The following HIVEP3 variants were observed in gnomAD, a reference collection of about 807,000 sequenced individuals.
HIVEP3 encodes HIVEP zinc finger 3, also known as transcription factor HIVEP3.
HIVEP3 carries 49 observed loss-of-function variants against 152.8 expected under a neutral mutation model. That is an observed-to-expected ratio of 0.32 (90% CI 0.26 to 0.41). HIVEP3 has a LOEUF of 0.41. Among genes scored for constraint, HIVEP3 ranks in the 10% least tolerant of loss-of-function variants. HIVEP3 has a pLI of 1.00. For missense variants in HIVEP3, 2,790 were observed against 3,103.3 expected (o/e 0.90, Z 2.40); for synonymous variants, 1,269 against 1,289.0 (o/e 0.98, Z 0.33).
At chr1:41,632,759 GA>G (rs111735790) in intron 2 of HIVEP3, among the ~76,000 whole-genome samples, 1,637 of 145,404 alleles carry the variant, frequency 0.011, 28 homozygotes, top group African/African-American at 0.038. Context: ...CCAACTCAAA[GA>G]AAAAAAAAAG....
chr1:41,636,174 A>T (rs10890152), intron 2 of HIVEP3, among the ~76,000 whole-genome samples: 70,912 of 151,600 alleles, frequency 0.47, 17,226 homozygotes, highest in Non-Finnish European at 0.54. Context: ...GTAACAAACA[A>T]ATCCGCAGGT....
chr1:41,902,606 A>T (rs908080431), intron 1 of HIVEP3, among the ~76,000 whole-genome samples: 3 of 152,174 alleles, frequency 2.0e-5, no homozygotes, highest in Non-Finnish European at 4.4e-5. Context: ...GAAGAAGGCG[A>T]TGGGGCAAAG....
chr1:41,777,009 GC>G (rs2124274933), intron 1 of HIVEP3, among the ~76,000 whole-genome samples: 1 of 152,276 alleles, frequency 6.6e-6, no homozygotes, highest in South Asian at 2.1e-4. Context: ...CTGGACTTCA[GC>G]CCAGGACTTG....
At chr1:41,896,244 C>T (rs956544568) in intron 1 of HIVEP3, among the ~76,000 whole-genome samples, 8 of 152,214 alleles carry the variant, frequency 5.3e-5, no homozygotes, top group Non-Finnish European at 1.5e-5. Flanking sequence ...ACTCTCAATA[C>T]ATAGTAGCTT....
chr1:41,895,908 C>T (rs1644520587), intron 1 of HIVEP3, among the ~76,000 whole-genome samples: 1 of 152,174 alleles, frequency 6.6e-6, no homozygotes, highest in African/African-American at 2.4e-5. Flanking sequence ...TGAGAAAGGC[C>T]ATTCATTGGT....
intron 2 of HIVEP3, among the ~76,000 whole-genome samples, chr1:41,674,068 C>T (rs538631056): frequency 8.5e-5 from 13 of 152,358 alleles, no homozygotes; most frequent in African/African-American, 2.9e-4. Context: ...TGGCTGGGGC[C>T]GACCTCCCCA....
At chr1:41,807,844 C>T (rs1650726478) in intron 1 of HIVEP3, among the ~76,000 whole-genome samples, 1 of 152,020 alleles carries the variant, frequency 6.6e-6, no homozygotes, top group Admixed American at 6.5e-5. Flanking sequence ...GTCAAGGGGA[C>T]AAAGATCAGG....
intron 1 of HIVEP3, among the ~76,000 whole-genome samples, chr1:41,811,817 G>A (rs1375588968): frequency 6.6e-6 from 1 of 152,048 alleles, no homozygotes; most frequent in African/African-American, 2.4e-5. Context: ...GAAAATCGCA[G>A]TTGCTGTAGT....
chr1:41,544,416 A>AT (rs2149071686), intron 5 of HIVEP3: 1 of 152,002 alleles, frequency 6.6e-6, no homozygotes, highest in African/African-American at 2.4e-5. Flanking sequence ...AAGGGCACCA[A>AT]TCCCCCCTCT....
intron 1 of HIVEP3, among the ~76,000 whole-genome samples, chr1:41,766,266 T>C (rs1648003013): frequency 6.6e-6 from 1 of 152,236 alleles, no homozygotes; most frequent in African/African-American, 2.4e-5. Flanking sequence ...GGAAACATTT[T>C]TGGTTTTCAC....
At chr1:41,987,775 C>A (rs921524163) in intron 1 of HIVEP3, among the ~76,000 whole-genome samples, 7 of 152,186 alleles carry the variant, frequency 4.6e-5, no homozygotes, top group African/African-American at 1.7e-4. Context: ...AAGAAAGAGG[C>A]TTAATTGACT....
intron 1 of HIVEP3, among the ~76,000 whole-genome samples, chr1:41,805,471 G>C (rs1021423425): frequency 6.6e-6 from 1 of 152,254 alleles, no homozygotes; most frequent in African/African-American, 2.4e-5. Flanking sequence ...GAATGAGGAA[G>C]GCAGGACAAC....
Position 41,510,357 on chromosome 1 carries a change from A to G in HIVEP3, c.*94T>C. On this transcript the variant is annotated 3_prime_UTR_variant, in exon 9 of 9. Transcript: ENST00000372583. The stretch of plus-strand genomic sequence containing the variant: ...TGAGAGCTCCTGGACGGAGGGACAG[A>G]TGGGGCTGAGGAAGTGGGATGATTC... 1 of 1,134,408 alleles carries G rather than the reference A, an allele frequency of 8.8e-7. No individual in the cohort carries two copies. The highest frequency in any genetic ancestry group is 1.2e-6 in the Non-Finnish European group (1 of 850,464). The allele number at this position is 1,134,408 out of a possible 1,614,324, so 70.3% of individuals were successfully genotyped here.
At chr1:41,645,204 C>T (rs907050983) in intron 2 of HIVEP3, among the ~76,000 whole-genome samples, 1 of 152,226 alleles carries the variant, frequency 6.6e-6, no homozygotes, top group African/African-American at 2.4e-5. Context: ...CTGCACAAGA[C>T]AGGGCAATGC....
At position 41,583,064 on chromosome 1, in the gene HIVEP3, G is replaced by C; in HGVS notation, c.1734C>G (p.His578Gln). 1.9e-6 allele frequency: 3 copies of C among 1,613,892 alleles called. No homozygotes were observed. The highest frequency in any genetic ancestry group is 2.5e-6 in the Non-Finnish European group (3 of 1,179,896). Residue 578 changes from histidine (H) to glutamine (Q), a missense_variant, in exon 4 of 9, where the codon CAC becomes CAG. His to Gln is a conservative substitution (Grantham distance 24, BLOSUM62 0). This residue lies in a region of HIVEP3 where 339 missense variants were observed against 327.0 expected (regional missense o/e 1.04). Coordinates refer to ENST00000372583, the MANE Select transcript of HIVEP3 (RefSeq NM_024503.5). The surrounding 1 kb of genome is among the most constrained non-coding windows in gnomAD (Gnocchi z 6.9). The stretch of plus-strand genomic sequence containing the variant: ...GCATCCGGGGGTGGGAGGTAAACAC[G>C]TGACTGCTGTGGCTCAGGGCTTCGG... ...TDSEALSHSS[H>Q]VFTSHPRMLK...
At chr1:41,734,566 T>C (rs1646888691) in intron 1 of HIVEP3, among the ~76,000 whole-genome samples, 3 of 152,086 alleles carry the variant, frequency 2.0e-5, no homozygotes, top group Non-Finnish European at 4.4e-5. Context: ...CACTGGGTGA[T>C]TTAGAAAGGC....
intron 1 of HIVEP3, among the ~76,000 whole-genome samples, chr1:41,953,421 T>C (rs1645121463): frequency 6.6e-6 from 1 of 152,200 alleles, no homozygotes; most frequent in Non-Finnish European, 1.5e-5. Flanking sequence ...TCAGAGTGTT[T>C]CTATGAGGAT....
chr1:41,733,967 A>G (rs1646879731), intron 1 of HIVEP3, among the ~76,000 whole-genome samples: 1 of 149,410 alleles, frequency 6.7e-6, no homozygotes. Flanking sequence ...CCCCCAGCAC[A>G]AGCTCACAGT....
At chr1:41,798,543 A>C (rs1008502923) in intron 1 of HIVEP3, among the ~76,000 whole-genome samples, 3 of 152,266 alleles carry the variant, frequency 2.0e-5, no homozygotes, top group African/African-American at 7.2e-5. Context: ...AAGATACAAC[A>C]GAATAATAAA....
Sources: gnomAD v4.1 joint callset for allele counts (sites outside exome capture counted in the v4.1 genomes callset) on GRCh38, gnomAD v4.1.1 for gene constraint, gnomAD v4.1.1 regional missense constraint, Gnocchi (gnomAD v3.1) non-coding constraint, MANE v1.5 for transcripts, NCBI Gene and HGNC (gene_info 2026-07-23, HGNC 2026-07-21) for gene names.